The following KRT40 variants were observed in gnomAD, a reference collection of about 807,000 sequenced individuals.
The protein encoded by KRT40 is keratin 40, also known as keratin, type I cytoskeletal 40.
A neutral mutation model predicts 43.5 loss-of-function variants in KRT40; 47 were observed. The ratio of observed to expected loss-of-function variants is 1.08; its 90% CI spans 0.86 to 1.38. KRT40 has a LOEUF of 1.38. Among genes scored for constraint, KRT40 ranks in the 40% most tolerant of loss-of-function variants. The pLI is 0.00. For missense variants in KRT40, 573 were observed against 523.6 expected (o/e 1.09, Z -0.92); for synonymous variants, 212 against 214.0 (o/e 0.99, Z 0.08).
chr17:40,980,676 A>C, intron 5 of KRT40, 109 bp downstream of exon 5: 1 of 1,377,506 alleles, frequency 7.3e-7, no homozygotes, highest in Non-Finnish European at 9.7e-7. Flanking sequence ...GGTAAACGGC[A>C]GTACTCGGGA....
intron 1 of KRT40, 29 bp downstream of exon 1, chr17:40,983,798 G>A (rs776209946): frequency 1.9e-6 from 3 of 1,597,792 alleles, no homozygotes; most frequent in African/African-American, 1.3e-5. Context: ...GATCAGGAAG[G>A]TGGAGCACTA....
Position 40,982,369 on chromosome 17 carries a change from G to C in KRT40, c.625C>G (p.Leu209Val). Reference protein sequence around the residue: ...LEELTLCKSDLEAHVESLKED... With the variant: ...LEELTLCKSDVEAHVESLKED... ...TTCAGAGACTCCACATGGGCCTCCA[G>C]ATCAGATTTGCACAGGGTCAGTTCC... is the stretch of plus-strand genomic sequence containing the variant. Residue 209 changes from leucine to valine, a missense_variant, in exon 3 of 7, where the codon CTG becomes GTG. Leu to Val is a conservative substitution (Grantham distance 32). Transcript: ENST00000377755. 9 of 1,610,786 alleles carry C rather than the reference G, an allele frequency of 5.6e-6. No homozygotes were observed. Among genetic ancestry groups the C allele is most frequent in the Non-Finnish European group, 7.6e-6 (9 of 1,178,478 alleles).
chr17:40,983,470 A>ATGATTAC (rs1912291992), intron 1 of KRT40, among the ~76,000 whole-genome samples: 1 of 152,316 alleles, frequency 6.6e-6, no homozygotes, highest in Admixed American at 6.5e-5. Context: ...AGAGAAGAAA[A>ATGATTAC]TGATTACTAG....
At chr17:40,984,454 C>G (rs1912373474), upstream of KRT40, 1 of 592,842 alleles carries the variant, frequency 1.7e-6, no homozygotes, top group African/African-American at 1.9e-5. Context: ...TGTTTATTTA[C>G]TGAGGAAGAG....
At chr17:40,984,793 A>G (rs1024395055), upstream of KRT40, among the ~76,000 whole-genome samples, 5 of 152,138 alleles carry the variant, frequency 3.3e-5, no homozygotes, top group African/African-American at 1.2e-4. Flanking sequence ...TAATCTTTCA[A>G]TGCTTTTTGT....
At chr17:40,985,887 G>C (rs1212878653), upstream of KRT40, among the ~76,000 whole-genome samples, 1 of 152,190 alleles carries the variant, frequency 6.6e-6, no homozygotes, top group Non-Finnish European at 1.5e-5. Context: ...CCCATGTTTT[G>C]GTTGTCCATC....
At chr17:40,981,984 T>G (rs1912185602) in intron 3 of KRT40, among the ~76,000 whole-genome samples, 1 of 152,098 alleles carries the variant, frequency 6.6e-6, no homozygotes, top group African/African-American at 2.4e-5. Flanking sequence ...GTTCAAGTGA[T>G]TCTCCTGCCT....
chr17:40,979,452 A>G (rs1434896437), intron 5 of KRT40, among the ~76,000 whole-genome samples: 3 of 151,832 alleles, frequency 2.0e-5, no homozygotes, highest in African/African-American at 7.3e-5. Flanking sequence ...CAGTAAGTCA[A>G]GATCATGCCA....
chr17:40,982,048 T>G (rs1031935123), intron 3 of KRT40, among the ~76,000 whole-genome samples: 3 of 151,636 alleles, frequency 2.0e-5, no homozygotes, highest in Non-Finnish European at 2.9e-5. Flanking sequence ...CCAGCTAATT[T>G]TTGTATTTTT....
chr17:40,979,170 T>C lies in KRT40; in HGVS notation c.976-146A>G. On this transcript the variant is annotated intron_variant, in intron 5 of 6. Transcript: ENST00000377755. The stretch of plus-strand genomic sequence containing the variant: ...CTGTGAGTCTCAGTTTTATTCTCTG[T>C]ATAGTGGAGAATACAAAGTATCTGT... 4 of 630,290 alleles carry C rather than the reference T, an allele frequency of 6.3e-6. 1 individual carries two copies. The East Asian group carries it at 1.1e-4, about 17-fold the overall frequency. 39.0% of individuals were successfully genotyped at this position (630,290 alleles called of 1,614,324 possible).
At chr17:40,983,726 C>G in intron 1 of KRT40, 101 bp downstream of exon 1, 1 of 1,189,446 alleles carries the variant, frequency 8.4e-7, no homozygotes, top group Admixed American at 2.0e-5. Flanking sequence ...TTAGAATTTT[C>G]CTTTCCCTTG....
chr17:40,983,745 C>T, intron 1 of KRT40, 82 bp downstream of exon 1: 2 of 1,377,886 alleles, frequency 1.5e-6, no homozygotes, highest in Non-Finnish European at 2.0e-6. Flanking sequence ...TGGTTTCCTT[C>T]TGTAAAACAG....
chr17:40,986,109 A>T (rs777913806), upstream of KRT40, among the ~76,000 whole-genome samples: 5 of 152,184 alleles, frequency 3.3e-5, no homozygotes, highest in Non-Finnish European at 7.3e-5. Context: ...AATCACCCAG[A>T]ATTCATTTCT....
chr17:40,980,967 A>G (rs1567854146), intron 4 of KRT40, 23 bp downstream of exon 4: 1 of 1,614,052 alleles, frequency 6.2e-7, no homozygotes. Context: ...TAAGCCTGAC[A>G]TTTTTTCAAT....
At chr17:40,985,359 T>G (rs983298794), upstream of KRT40, among the ~76,000 whole-genome samples, 1 of 152,180 alleles carries the variant, frequency 6.6e-6, no homozygotes, top group African/African-American at 2.4e-5. Context: ...TTTTTTGAAT[T>G]ATCTCTTGGA....
Position 40,984,244 on chromosome 17 carries a change from G to C in KRT40, c.30C>G (p.Cys10Trp), listed in dbSNP as rs748589952. The change falls in exon 1 of 7, where the codon TGC (cysteine) becomes TGG (tryptophan). Residue 10 changes from cysteine (C) to tryptophan (W), a missense_variant. Cys to Trp is a radical substitution (Grantham distance 215). Coordinates refer to ENST00000377755, the MANE Select transcript of KRT40 (RefSeq NM_001389244.1). The stretch of plus-strand genomic sequence containing the variant: ...AAGCCGTGCCACAGGACTCAGGAGA[G>C]CAGTGTGTGGAGGAGCAGTCAGAAG... MTSDCSSTH[C>W]SPESCGTASG... 2.5e-6 allele frequency: 4 copies of C among 1,613,172 alleles called. No individual in the cohort carries two copies. The highest frequency in any genetic ancestry group is 2.5e-6 in the Non-Finnish European group (3 of 1,179,494).
chr17:40,980,812 T>G lies in KRT40; in HGVS notation c.948A>C (p.Glu316Asp). The G allele has an allele frequency of 6.2e-7, 1 of 1,610,088 alleles. No individual in the cohort carries two copies. The highest frequency in any genetic ancestry group is 1.1e-5 in the South Asian group (1 of 90,642). The change falls in exon 5 of 7, where the codon GAA (glutamate) becomes GAC (aspartate). Residue 316 changes from glutamate (E) to aspartate (D), a missense_variant. Coordinates refer to ENST00000377755, the MANE Select transcript of KRT40 (RefSeq NM_001389244.1). ...GGCTTTGCTGTGCTTGGAGCTCAAT[T>G]TCCAGAGCACTGGCTGTGCGTTTCA... Reference protein sequence around the residue: ...LELKRTASALEIELQAQQSLT... With the variant: ...LELKRTASALDIELQAQQSLT...
chr17:40,978,527 A>G (rs564856395), intron 6 of KRT40, among the ~76,000 whole-genome samples: 12 of 152,302 alleles, frequency 7.9e-5, no homozygotes, highest in Admixed American at 3.3e-4. Flanking sequence ...TGCAAATGTT[A>G]TCTTAGGCCT....
chr17:40,986,311 A>G (rs776892155), upstream of KRT40: 5 of 152,408 alleles, frequency 3.3e-5, no homozygotes, highest in Middle Eastern at 3.4e-3. Flanking sequence ...CACCTTCTTC[A>G]TGGTCCAGGA....
Sources: gnomAD v4.1 joint callset for allele counts (sites outside exome capture counted in the v4.1 genomes callset) on GRCh38, gnomAD v4.1.1 for gene constraint, MANE v1.5 for transcripts, NCBI Gene and HGNC (gene_info 2026-07-23, HGNC 2026-07-21) for gene names.